GRIP1: variants seen among roughly 807,000 people sequenced by gnomAD.
The protein encoded by GRIP1 is glutamate receptor interacting protein 1, also known as glutamate receptor-interacting protein 1.
A neutral mutation model predicts 129.9 loss-of-function variants in GRIP1; 45 were observed. That is an observed-to-expected ratio of 0.35 (90% CI 0.27 to 0.44). The LOEUF (loss-of-function observed/expected upper bound fraction) is 0.44. GRIP1 is among the 20% of genes least tolerant of loss of function. GRIP1 has a pLI of 1.00. For synonymous variants in GRIP1, 530 were observed against 520.8 expected, an observed-to-expected ratio of 1.02 and a Z score of -0.24; for missense variants, 1,196 against 1,396.8, an observed-to-expected ratio of 0.86 and a Z score of 2.29.
At chr12:66,715,645 T>C (rs1173231537) in intron 1 of GRIP1, among the ~76,000 whole-genome samples, 1 of 151,972 alleles carries the variant, frequency 6.6e-6, no homozygotes, top group Non-Finnish European at 1.5e-5. Context: ...AAATCAGTGG[T>C]TGTCCACTTC....
chr12:66,574,501 C>T (rs2063071759), intron 2 of GRIP1, among the ~76,000 whole-genome samples: 1 of 152,198 alleles, frequency 6.6e-6, no homozygotes, highest in Non-Finnish European at 1.5e-5. Flanking sequence ...TCCAACATAC[C>T]AATATGTCTT....
chr12:66,508,776 A>G (rs1351880004), intron 7 of GRIP1, among the ~76,000 whole-genome samples: 1 of 152,228 alleles, frequency 6.6e-6, no homozygotes, highest in Non-Finnish European at 1.5e-5. Flanking sequence ...CTCTACAGTG[A>G]GCCTTGTTTT....
At position 66,463,067 on chromosome 12, in the gene GRIP1, T is replaced by C; in HGVS notation, c.899A>G (p.His300Arg). 6.2e-7 allele frequency: 1 copy of C among 1,614,026 alleles called. No individual in the cohort carries two copies. The highest frequency in any genetic ancestry group is 2.2e-5 in the East Asian group (1 of 44,882). ...DRCGALHVGD[H>R]ILSIDGTSME... Reference sequence around the variant, plus strand: ...GCTGGTTCCATCGATGGAGAGGATGTGATCTCCCACATGCAATGCGCCACA... The same window carrying C: ...GCTGGTTCCATCGATGGAGAGGATGCGATCTCCCACATGCAATGCGCCACA... Residue 300 changes from histidine to arginine, a missense_variant, in exon 9 of 25, where the codon CAC (histidine) becomes CGC (arginine). By Grantham distance (29) the His-to-Arg change is conservative. This residue lies in a region of GRIP1 where 508 missense variants were observed against 587.0 expected (regional missense o/e 0.87). Coordinates refer to ENST00000359742, the MANE Select transcript of GRIP1 (RefSeq NM_001366722.1).
intron 1 of GRIP1, among the ~76,000 whole-genome samples, chr12:66,837,372 C>T (rs997709630): frequency 7.9e-5 from 12 of 152,134 alleles, no homozygotes; most frequent in African/African-American, 2.7e-4. Flanking sequence ...TTGGGTGAGT[C>T]AAGAAGACTT....
At chr12:66,933,763 C>T (rs941826862) in intron 1 of GRIP1, among the ~76,000 whole-genome samples, 19 of 152,146 alleles carry the variant, frequency 1.2e-4, no homozygotes, top group Admixed American at 4.6e-4. Context: ...ATTTGCTTCC[C>T]TTCTAAACTT....
intron 1 of GRIP1, among the ~76,000 whole-genome samples, chr12:66,772,171 T>C (rs2037840318): frequency 6.6e-6 from 1 of 152,350 alleles, no homozygotes; most frequent in South Asian, 2.1e-4. Flanking sequence ...TCCAAGGTCA[T>C]GTGCTCATAG....
intron 1 of GRIP1, among the ~76,000 whole-genome samples, chr12:67,041,941 T>G (rs1465379195): frequency 6.6e-6 from 1 of 152,138 alleles, no homozygotes; most frequent in Non-Finnish European, 1.5e-5. Context: ...CTCCCAAATT[T>G]TATGTGTTAG....
chr12:66,352,457 G>A (rs1359641668), intron 24 of GRIP1, among the ~76,000 whole-genome samples: 1 of 152,170 alleles, frequency 6.6e-6, no homozygotes, highest in Admixed American at 6.5e-5. Flanking sequence ...AAGAGGTTGC[G>A]CACAGTGGCT....
At chr12:66,692,382 T>C (rs988924534) in intron 1 of GRIP1, among the ~76,000 whole-genome samples, 4 of 152,324 alleles carry the variant, frequency 2.6e-5, no homozygotes, top group African/African-American at 9.6e-5. Context: ...TGTCCCTTCC[T>C]TTTTTGGCAC....
intron 8 of GRIP1, among the ~76,000 whole-genome samples, chr12:66,463,430 T>C (rs1565730): frequency 0.22 from 33,842 of 152,094 alleles, 4,354 homozygotes; most frequent in Middle Eastern, 0.41. Context: ...CCCTGGACTT[T>C]TGTCTGTGTT....
At chr12:66,556,603 T>C (rs992524618) in intron 2 of GRIP1, among the ~76,000 whole-genome samples, 2 of 151,400 alleles carry the variant, frequency 1.3e-5, no homozygotes, top group Non-Finnish European at 1.5e-5. Context: ...ATAATAACTA[T>C]GACAACTTTT....
chr12:66,617,714 C>T (rs1462642109), intron 1 of GRIP1, among the ~76,000 whole-genome samples: 1 of 151,342 alleles, frequency 6.6e-6, no homozygotes, highest in Non-Finnish European at 1.5e-5. Context: ...ATAAAATGGG[C>T]TTATGTTATT....
At chr12:66,383,829 A>G (rs2056233756) in intron 19 of GRIP1, among the ~76,000 whole-genome samples, 1 of 152,220 alleles carries the variant, frequency 6.6e-6, no homozygotes, top group Non-Finnish European at 1.5e-5. Flanking sequence ...TCTCAAAGCT[A>G]AGTGCAACTT....
At chr12:66,674,892 G>C (rs1295797771) in intron 1 of GRIP1, among the ~76,000 whole-genome samples, 1 of 152,136 alleles carries the variant, frequency 6.6e-6, no homozygotes, top group Non-Finnish European at 1.5e-5. Context: ...AGAAGAGAGG[G>C]AGAGAGAAAG....
At chr12:66,531,833 G>T (rs1258046644) in intron 4 of GRIP1, among the ~76,000 whole-genome samples, 1 of 151,994 alleles carries the variant, frequency 6.6e-6, no homozygotes, top group East Asian at 1.9e-4. Flanking sequence ...GGAAAGGAAA[G>T]GATATGGAAA....
At chr12:66,607,252 T>A (rs1040665420) in intron 1 of GRIP1, among the ~76,000 whole-genome samples, 1 of 152,212 alleles carries the variant, frequency 6.6e-6, no homozygotes, top group African/African-American at 2.4e-5. Flanking sequence ...TGATATAAGA[T>A]GCAAGATTCT....
chr12:66,370,882 A>G (rs1336007747), intron 23 of GRIP1, among the ~76,000 whole-genome samples: 1 of 152,172 alleles, frequency 6.6e-6, no homozygotes, highest in Non-Finnish European at 1.5e-5. Flanking sequence ...GAGACAGAAC[A>G]TAGCCAGGGC....
intron 1 of GRIP1, among the ~76,000 whole-genome samples, chr12:67,044,798 T>C (rs1452905536): frequency 1.3e-5 from 2 of 152,164 alleles, no homozygotes; most frequent in African/African-American, 2.4e-5. Flanking sequence ...ATGCTCTGGG[T>C]ACATGTTTTT....
chr12:66,923,503 T>C (rs2041246779), intron 1 of GRIP1, among the ~76,000 whole-genome samples: 1 of 152,134 alleles, frequency 6.6e-6, no homozygotes, highest in South Asian at 2.1e-4. Context: ...CAAGAGTTCT[T>C]CTCAACTCTT....
Sources: allele counts gnomAD v4.1 joint callset (sites outside exome capture counted in the v4.1 genomes callset), GRCh38; gene constraint gnomAD v4.1.1; regional missense constraint gnomAD v4.1.1; transcripts MANE v1.5; gene names NCBI Gene and HGNC (gene_info 2026-07-23, HGNC 2026-07-21).